Variants in SGCZ observed in about 807,000 individuals in gnomAD.
The protein encoded by SGCZ is sarcoglycan zeta.
SGCZ carries 40 observed loss-of-function variants against 41.3 expected under a neutral mutation model. That is an observed-to-expected ratio of 0.97 (90% confidence interval 0.75 to 1.26). The LOEUF is 1.26. Ranked by LOEUF, SGCZ falls within the 50% of genes most tolerant of loss-of-function variation. The pLI, the probability that SGCZ is intolerant of heterozygous loss-of-function variation, is 0.00. For missense variants in SGCZ, 552 were observed against 369.8 expected (o/e 1.49, Z -4.04); for synonymous variants, 206 against 137.5 (o/e 1.50, Z -3.49).
chr8:14,894,582 C>G (rs1188943564), intron 1 of SGCZ, among the ~76,000 whole-genome samples: 1 of 152,154 alleles, frequency 6.6e-6, no homozygotes, highest in Non-Finnish European at 1.5e-5. Context: ...CTGGGCCTCT[C>G]ACACTGAAGA....
chr8:14,636,880 G>A (rs1406740559), intron 1 of SGCZ, among the ~76,000 whole-genome samples: 1 of 151,844 alleles, frequency 6.6e-6, no homozygotes, highest in African/African-American at 2.4e-5. Flanking sequence ...ATAAAATACT[G>A]ATGGAAATGT....
intron 1 of SGCZ, among the ~76,000 whole-genome samples, chr8:15,104,641 A>G (rs1806748433): frequency 6.6e-6 from 1 of 152,236 alleles, no homozygotes; most frequent in South Asian, 2.1e-4. Flanking sequence ...ATATCAATAT[A>G]TTAATTTTTA....
intron 3 of SGCZ, among the ~76,000 whole-genome samples, chr8:14,251,989 C>T (rs904743517): frequency 1.3e-5 from 2 of 152,116 alleles, no homozygotes; most frequent in African/African-American, 2.4e-5. Context: ...GGATTACAGG[C>T]GTGAGCCACC....
chr8:14,244,175 TCTTCCTTCTTCCTCCTCC>T (rs1798994963), intron 3 of SGCZ, among the ~76,000 whole-genome samples: 1 of 150,362 alleles, frequency 6.7e-6, no homozygotes, highest in African/African-American at 2.4e-5. Context: ...TTCCTCCTCC[TCTTCCTTCTTCCTCCTCC>T]TCTTCCTTCT....
In SGCZ at chr8:14,324,107, C is replaced by T. The variant is rs138916610; in HGVS notation, c.332G>A (p.Arg111Gln). 26 of 1,608,058 alleles carry T rather than the reference C, an allele frequency of 1.6e-5. No homozygotes were observed. Among genetic ancestry groups the T allele is most frequent in the African/African-American group, 1.3e-4 (10 of 74,750 alleles). The change falls in exon 3 of 8, where the codon CGA (arginine) becomes CAA (glutamine). Residue 111 changes from arginine to glutamine, a missense_variant. Coordinates refer to ENST00000382080, the MANE Select transcript of SGCZ (RefSeq NM_139167.4). ...GCCAAAGCCAGTATCACATACCTTT[C>T]GAGAATGAATTTCTTTCACATACAA... ...LPLYVKEIHS[R>Q]KDSPLVLQSD... is the part of the protein sequence containing the mutation.
intron 1 of SGCZ, among the ~76,000 whole-genome samples, chr8:15,176,178 T>G (rs1234542070): frequency 6.6e-6 from 1 of 152,210 alleles, no homozygotes; most frequent in Non-Finnish European, 1.5e-5. Context: ...TAAATAGGTT[T>G]GGTCATTTAA....
At chr8:15,143,010 CT>C (rs1423605445) in intron 1 of SGCZ, among the ~76,000 whole-genome samples, 2 of 152,242 alleles carry the variant, frequency 1.3e-5, no homozygotes, top group African/African-American at 4.8e-5. Flanking sequence ...GAAGGACGTA[CT>C]GTCCTAGAGT....
At chr8:14,116,406 G>C (rs186459923) in intron 5 of SGCZ, among the ~76,000 whole-genome samples, 1 of 151,782 alleles carries the variant, frequency 6.6e-6, no homozygotes, top group Non-Finnish European at 1.5e-5. Flanking sequence ...CAATTTTTTT[G>C]GGTCTCTCTG....
intron 1 of SGCZ, among the ~76,000 whole-genome samples, chr8:14,564,519 T>G (rs1371725336): frequency 5.3e-5 from 8 of 152,158 alleles, no homozygotes; most frequent in Non-Finnish European, 1.2e-4. Flanking sequence ...TACATTGACA[T>G]ATATAAAGGC....
intron 2 of SGCZ, among the ~76,000 whole-genome samples, chr8:14,327,048 C>A (rs1208052638): frequency 6.6e-6 from 1 of 152,048 alleles, no homozygotes; most frequent in African/African-American, 2.4e-5. Context: ...TGAAGCATGA[C>A]AAGGAAAGTC....
intron 2 of SGCZ, among the ~76,000 whole-genome samples, chr8:14,455,220 T>C (rs1400234481): frequency 1.3e-5 from 2 of 151,882 alleles, no homozygotes; most frequent in Admixed American, 6.6e-5. Flanking sequence ...AAACCAAACA[T>C]GATCAGACAA....
intron 1 of SGCZ, among the ~76,000 whole-genome samples, chr8:15,196,510 A>C (rs1800736064): frequency 6.6e-6 from 1 of 152,316 alleles, no homozygotes; most frequent in East Asian, 1.9e-4. Flanking sequence ...ATACTCCATT[A>C]GGTTAAAACT....
At chr8:14,558,962 C>G (rs1048202276) in intron 1 of SGCZ, among the ~76,000 whole-genome samples, 1 of 151,898 alleles carries the variant, frequency 6.6e-6, no homozygotes, top group East Asian at 1.9e-4. Context: ...ACAAAACTGG[C>G]ACAGAAGGGA....
intron 2 of SGCZ, among the ~76,000 whole-genome samples, chr8:14,324,410 T>C (rs1456952772): frequency 1.3e-5 from 2 of 152,090 alleles, no homozygotes; most frequent in Non-Finnish European, 2.9e-5. Flanking sequence ...GAAAAGAGGA[T>C]TTAAAGGACT....
At chr8:14,769,474 A>T (rs1402798886) in intron 1 of SGCZ, among the ~76,000 whole-genome samples, 1 of 152,184 alleles carries the variant, frequency 6.6e-6, no homozygotes, top group East Asian at 1.9e-4. Flanking sequence ...AGTGCTCATA[A>T]AAGGAAGGAG....
intron 1 of SGCZ, among the ~76,000 whole-genome samples, chr8:14,817,533 A>T (rs1363683164): frequency 6.6e-6 from 1 of 152,068 alleles, no homozygotes; most frequent in Non-Finnish European, 1.5e-5. Context: ...TGCCCTAGGG[A>T]TCAGTTTCAA....
At chr8:14,140,472 T>A (rs1228186378) in intron 5 of SGCZ, among the ~76,000 whole-genome samples, 1 of 152,128 alleles carries the variant, frequency 6.6e-6, no homozygotes, top group African/African-American at 2.4e-5. Context: ...TTCAGCAAAG[T>A]CTCAGGATAC....
chr8:14,511,037 A>G (rs954270341), intron 2 of SGCZ, among the ~76,000 whole-genome samples: 5 of 152,026 alleles, frequency 3.3e-5, no homozygotes, highest in Non-Finnish European at 7.4e-5. Context: ...TTTGGATAAA[A>G]TCAACGAGCA....
At chr8:15,114,412 T>A (rs1249627596) in intron 1 of SGCZ, among the ~76,000 whole-genome samples, 1 of 152,208 alleles carries the variant, frequency 6.6e-6, no homozygotes. Flanking sequence ...AATATCAGAA[T>A]TGAAATTATT....
Sources: allele counts gnomAD v4.1 joint callset (sites outside exome capture counted in the v4.1 genomes callset), GRCh38; gene constraint gnomAD v4.1.1; transcripts MANE v1.5; gene names NCBI Gene and HGNC (gene_info 2026-07-23, HGNC 2026-07-21).